DLGAP2: variants seen among roughly 807,000 people sequenced by gnomAD.
DLGAP2 encodes the protein disks large-associated protein 2.
Under a neutral mutation model 100.3 loss-of-function variants are expected in DLGAP2, and 26 were observed. That is an observed-to-expected ratio of 0.26 (90% confidence interval 0.19 to 0.36). DLGAP2 has a LOEUF of 0.36. Among genes scored for constraint, DLGAP2 ranks in the 10% least tolerant of loss-of-function variants. The pLI, the probability that DLGAP2 is intolerant of heterozygous loss-of-function variation, is 1.00. For missense variants in DLGAP2, 1,858 were observed against 1,453.2 expected (o/e 1.28, Z -4.53); for synonymous variants, 886 against 630.1 (o/e 1.41, Z -6.08).
chr8:1,251,660 C>T (rs923495194), intron 2 of DLGAP2, among the ~76,000 whole-genome samples: 11 of 152,114 alleles, frequency 7.2e-5, no homozygotes, highest in African/African-American at 2.7e-4. Flanking sequence ...GCCTCTGTGT[C>T]AGGTCATGTT....
chr8:812,677 C>G (rs1160992964), intron 1 of DLGAP2, among the ~76,000 whole-genome samples: 4 of 152,214 alleles, frequency 2.6e-5, no homozygotes, highest in Non-Finnish European at 5.9e-5. Flanking sequence ...GCTACAGATC[C>G]TTGCATTTGG....
chr8:740,573 A>G (rs965748271), intron 1 of DLGAP2, among the ~76,000 whole-genome samples: 14 of 152,226 alleles, frequency 9.2e-5, no homozygotes, highest in Non-Finnish European at 1.8e-4. Flanking sequence ...TAAAAGCAAA[A>G]ATAGGCTTCG....
At chr8:1,287,610 G>A (rs1220849269) in intron 3 of DLGAP2, among the ~76,000 whole-genome samples, 1 of 39,010 alleles carries the variant, frequency 2.6e-5, no homozygotes, top group Non-Finnish European at 4.4e-5. Context: ...ATGTGGTTCT[G>A]TTAGGGGAAC....
chr8:975,426 CAGAAAA>C (rs1800137608), intron 2 of DLGAP2, among the ~76,000 whole-genome samples: 1 of 151,862 alleles, frequency 6.6e-6, no homozygotes, highest in South Asian at 2.1e-4. Context: ...AAATCAAAAC[CAGAAAA>C]AGACATTTAA....
At chr8:762,760 C>T (rs1821118388) in intron 1 of DLGAP2, among the ~76,000 whole-genome samples, 1 of 152,000 alleles carries the variant, frequency 6.6e-6, no homozygotes, top group Admixed American at 6.5e-5. Flanking sequence ...CTCACTGCAG[C>T]CTCACCCTCC....
At chr8:884,028 T>A (rs183021969) in intron 1 of DLGAP2, among the ~76,000 whole-genome samples, 27 of 152,350 alleles carry the variant, frequency 1.8e-4, no homozygotes, top group African/African-American at 6.5e-4. Context: ...ATTTTCTTTA[T>A]CCAGTCTATC....
intron 1 of DLGAP2, among the ~76,000 whole-genome samples, chr8:799,487 A>G (rs781334039): frequency 1.3e-5 from 2 of 152,194 alleles, no homozygotes; most frequent in Non-Finnish European, 2.9e-5. Flanking sequence ...AATTCAGCTT[A>G]CTTCATGTTT....
chr8:920,631 G>C (rs1185518360), intron 2 of DLGAP2, among the ~76,000 whole-genome samples: 1 of 151,986 alleles, frequency 6.6e-6, no homozygotes, highest in Non-Finnish European at 1.5e-5. Context: ...CCCGCCTGTA[G>C]TCCTAGCTAC....
rs1800735865 is a variant in DLGAP2 at position 994,641 on chromosome 8, T to A, written c.73+86675T>A. ...GGGAGGGCTTGGGATGGATGCATCC[T>A]TGCCTTTTAAGATGCATTTACACAC... On this transcript the variant is annotated intron_variant, in intron 2 of 14. Coordinates refer to ENST00000637795, the MANE Select transcript of DLGAP2 (RefSeq NM_001346810.2). 2.6e-5 allele frequency among the ~76,000 whole-genome samples: 4 copies of A among 152,310 alleles called. No homozygotes were observed. In the South Asian group the frequency reaches 8.3e-4, roughly 32 times the overall value.
chr8:1,554,114 C>G lies in DLGAP2; in HGVS notation c.1230+4431C>G, dbSNP rs148525125. Among the ~76,000 whole-genome samples, 310 of 152,180 alleles carry G rather than the reference C, an allele frequency of 2.0e-3. 2 individuals carry two copies. Among genetic ancestry groups the G allele is most frequent in the African/African-American group, 6.9e-3 (288 of 41,518 alleles). ...ACCAACCTGGCCAAAATGGCAAAAC[C>G]CTGTTTCTACTAAAAATACAAAAAC... On this transcript the variant is annotated intron_variant, in intron 5 of 14. Transcript: ENST00000637795.
chr8:1,643,264 A>C, intron 8 of DLGAP2, among the ~76,000 whole-genome samples: 1 of 14,682 alleles, frequency 6.8e-5, no homozygotes, highest in East Asian at 1.6e-3. Flanking sequence ...CACCTGTGTC[A>C]CCCTCGACCC....
intron 6 of DLGAP2, among the ~76,000 whole-genome samples, chr8:1,595,088 C>G (rs902472110): frequency 3.9e-5 from 6 of 151,940 alleles, no homozygotes; most frequent in Non-Finnish European, 7.4e-5. Context: ...GTCACCCAGG[C>G]TGGAGTGCAG....
chr8:1,217,925 C>G (rs111964773), intron 2 of DLGAP2, among the ~76,000 whole-genome samples: 1 of 152,088 alleles, frequency 6.6e-6, no homozygotes, highest in African/African-American at 2.4e-5. Context: ...GTGTCCATGT[C>G]CTTTGCCCAT....
intron 3 of DLGAP2, among the ~76,000 whole-genome samples, chr8:1,362,540 C>G (rs1037754038): frequency 1.3e-5 from 2 of 152,138 alleles, no homozygotes; most frequent in African/African-American, 4.8e-5. Context: ...TTGGCTTCCA[C>G]ACTAACCATG....
intron 2 of DLGAP2, among the ~76,000 whole-genome samples, chr8:1,255,116 T>TGCC (rs1794243851): frequency 7.1e-6 from 1 of 140,944 alleles, no homozygotes; most frequent in African/African-American, 2.7e-5. Flanking sequence ...GCTGTGTGTG[T>TGCC]GTCCTCTCCT....
intron 4 of DLGAP2, among the ~76,000 whole-genome samples, chr8:1,528,914 G>C (rs1326247748): frequency 6.6e-6 from 1 of 152,186 alleles, no homozygotes. Context: ...AAGCCTTTCT[G>C]CAATTTTTAA....
intron 6 of DLGAP2, among the ~76,000 whole-genome samples, chr8:1,592,772 A>T (rs1370619277): frequency 6.6e-6 from 1 of 152,026 alleles, no homozygotes; most frequent in Non-Finnish European, 1.5e-5. Context: ...GGCAATATAA[A>T]CTCATTTCTT....
chr8:1,682,058 C>A (rs978051488), intron 12 of DLGAP2, among the ~76,000 whole-genome samples: 3 of 152,200 alleles, frequency 2.0e-5, no homozygotes, highest in East Asian at 3.9e-4. Context: ...GGAAGCACCC[C>A]CTCCACTGCC....
chr8:1,172,246 G>C (rs1216423012), intron 2 of DLGAP2, among the ~76,000 whole-genome samples: 1 of 152,182 alleles, frequency 6.6e-6, no homozygotes, highest in Non-Finnish European at 1.5e-5. Flanking sequence ...TTTCTGCCTA[G>C]AGATCAGCTG....
Sources: gnomAD v4.1 joint callset for allele counts (sites outside exome capture counted in the v4.1 genomes callset) on GRCh38, gnomAD v4.1.1 for gene constraint, MANE v1.5 for transcripts, NCBI Gene and HGNC (gene_info 2026-07-23, HGNC 2026-07-21) for gene names.